LRP1B: variants seen among roughly 807,000 people sequenced by gnomAD.
The protein encoded by LRP1B is low-density lipoprotein receptor-related protein 1B.
Under a neutral mutation model 556.6 loss-of-function variants are expected in LRP1B, and 217 were observed. The observed-to-expected ratio is 0.39, with a 90% CI of 0.35 to 0.44. The LOEUF (loss-of-function observed/expected upper bound fraction) is 0.44. Ranked by LOEUF, LRP1B falls within the 20% of genes least tolerant of loss-of-function variation. The pLI is 1.00. For missense variants in LRP1B, 5,053 were observed against 5,620.8 expected (o/e 0.90, Z 3.23); for synonymous variants, 2,047 against 1,865.8 (o/e 1.10, Z -2.50).
Position 141,946,765 on chromosome 2 carries a change from C to T in LRP1B, c.83-136364G>A, listed in dbSNP as rs143989676. 4.2e-4 allele frequency among the ~76,000 whole-genome samples: 64 copies of T among 152,142 alleles called. 2 individuals carry two copies. In the East Asian group the frequency reaches 0.01, roughly 24 times the overall value. ...CAATGGCCTTTTAGTCATAATATTG[C>T]ATTTATTTTCATCTGTATCTCACCG... On this transcript the variant is annotated intron_variant, in intron 1 of 90. Coordinates refer to ENST00000389484, the MANE Select transcript of LRP1B (RefSeq NM_018557.3).
intron 3 of LRP1B, among the ~76,000 whole-genome samples, chr2:141,325,107 G>C (rs1162856226): frequency 6.6e-6 from 1 of 151,510 alleles, no homozygotes; most frequent in Admixed American, 6.6e-5. Flanking sequence ...ATTAAATTTA[G>C]ATAAAATGTT....
intron 7 of LRP1B, among the ~76,000 whole-genome samples, 186 bp from the exon 8 acceptor site, chr2:141,062,459 G>C (rs1457409692): frequency 1.3e-5 from 2 of 151,714 alleles, no homozygotes; most frequent in Non-Finnish European, 2.9e-5. Flanking sequence ...ATATTGCAGG[G>C]CATAAGGGAG....
At chr2:142,097,755 TAAAGTTG>T (rs1329942807) in intron 1 of LRP1B, among the ~76,000 whole-genome samples, 1 of 151,728 alleles carries the variant, frequency 6.6e-6, no homozygotes, top group African/African-American at 2.4e-5. Context: ...GTTACTTGTT[TAAAGTTG>T]AATCTAGCTC....
At chr2:141,943,316 T>C (rs1191660706) in intron 1 of LRP1B, among the ~76,000 whole-genome samples, 1 of 152,188 alleles carries the variant, frequency 6.6e-6, no homozygotes, top group Non-Finnish European at 1.5e-5. Flanking sequence ...GTTATAACAA[T>C]GGGTCTTGGG....
chr2:140,965,808 T>TG (rs1301826665), intron 18 of LRP1B, among the ~76,000 whole-genome samples: 1 of 150,986 alleles, frequency 6.6e-6, no homozygotes, highest in African/African-American at 2.4e-5. Context: ...TGCAGTGTTT[T>TG]TTTTTTTTTC....
At chr2:140,461,780 G>T (rs1333119702) in intron 60 of LRP1B, among the ~76,000 whole-genome samples, 1 of 152,038 alleles carries the variant, frequency 6.6e-6, no homozygotes, top group Non-Finnish European at 1.5e-5. Context: ...GTTGCAGTGA[G>T]CTGTGATCGC....
At chr2:141,518,161 A>C (rs947071927) in intron 2 of LRP1B, among the ~76,000 whole-genome samples, 3 of 151,746 alleles carry the variant, frequency 2.0e-5, no homozygotes, top group Non-Finnish European at 4.4e-5. Flanking sequence ...CATGGGTCTG[A>C]AGCTGAAAAC....
At chr2:140,463,495 T>C (rs912605959) in intron 60 of LRP1B, among the ~76,000 whole-genome samples, 8 of 152,196 alleles carry the variant, frequency 5.3e-5, no homozygotes, top group African/African-American at 1.9e-4. Flanking sequence ...CTGCTTACCC[T>C]TTAATGCAAT....
At chr2:140,551,616 T>C (rs1680551296) in intron 43 of LRP1B, among the ~76,000 whole-genome samples, 1 of 152,176 alleles carries the variant, frequency 6.6e-6, no homozygotes. Flanking sequence ...AATGTCATTA[T>C]TGGTTTGTAG....
chr2:140,537,670 C>T (rs962088109), intron 45 of LRP1B, among the ~76,000 whole-genome samples: 3 of 151,762 alleles, frequency 2.0e-5, no homozygotes, highest in East Asian at 3.9e-4. Flanking sequence ...GCTATGGACT[C>T]CAGATGACCG....
At chr2:141,400,614 T>C (rs377352656) in intron 3 of LRP1B, among the ~76,000 whole-genome samples, 3 of 152,184 alleles carry the variant, frequency 2.0e-5, no homozygotes, top group East Asian at 3.9e-4. Flanking sequence ...ATCATTACAG[T>C]AGCGTCAAGA....
intron 13 of LRP1B, among the ~76,000 whole-genome samples, chr2:141,013,955 T>C (rs537981571): frequency 6.6e-6 from 1 of 152,224 alleles, no homozygotes; most frequent in Non-Finnish European, 1.5e-5. Flanking sequence ...CTATTTTATC[T>C]AAACCATTTA....
rs149154070 is a variant in LRP1B, at chr2:141,624,036, C to A, written c.206-143503G>T. 7.0e-3 allele frequency among the ~76,000 whole-genome samples: 638 copies of A among 90,556 alleles called. 1 individual carries two copies. Among genetic ancestry groups the A allele is most frequent in the Middle Eastern group, 0.035 (4 of 114 alleles). The allele number at this position is 90,556 out of a possible 152,430, so 59.4% of individuals were successfully genotyped here. A position where few individuals can be genotyped will look rare whatever the true frequency, so the allele number is the denominator to read the frequency against. ...AACTCAAAAAAAAAAAAAAATTAAA[C>A]AAAAAAAAAAAGAAAAGAAAAAAAA... On this transcript the variant is annotated intron_variant, in intron 2 of 90. Coordinates refer to ENST00000389484, the MANE Select transcript of LRP1B (RefSeq NM_018557.3).
chr2:140,730,361 C>A (rs142145871), intron 35 of LRP1B, among the ~76,000 whole-genome samples: 4 of 152,146 alleles, frequency 2.6e-5, no homozygotes, highest in East Asian at 3.9e-4. Flanking sequence ...TCATACAAGG[C>A]AATTCACTTA....
intron 7 of LRP1B, among the ~76,000 whole-genome samples, chr2:141,159,794 T>TA (rs1056872745): frequency 2.0e-5 from 3 of 152,130 alleles, no homozygotes; most frequent in Admixed American, 2.0e-4. Flanking sequence ...CAAATTTAGT[T>TA]AAAAATATAT....
intron 43 of LRP1B, among the ~76,000 whole-genome samples, chr2:140,584,641 T>C (rs982046368): frequency 4.6e-5 from 7 of 152,144 alleles, no homozygotes; most frequent in African/African-American, 1.7e-4. Flanking sequence ...TACTGACCAT[T>C]ATTCTTCTGT....
rs1574553684 is a variant in LRP1B, at chr2:141,978,111, T to G, written c.82+152537A>C. ...ATTAATTTATTCTCATCTCAGTTGA[T>G]TATTTTCAGTATTAATAAGAACAAA... On this transcript the variant is annotated intron_variant, in intron 1 of 90. Coordinates refer to ENST00000389484, the MANE Select transcript of LRP1B (RefSeq NM_018557.3). Among the ~76,000 whole-genome samples, 3 of 152,246 alleles carry G rather than the reference T, an allele frequency of 2.0e-5. No homozygotes were observed. In the East Asian group the frequency reaches 5.8e-4, roughly 29 times the overall value.
chr2:141,822,584 T>C (rs1261178099), intron 1 of LRP1B, among the ~76,000 whole-genome samples: 2 of 152,194 alleles, frequency 1.3e-5, no homozygotes, highest in African/African-American at 4.8e-5. Flanking sequence ...TGGTTAGACT[T>C]TGGCTCTTTC....
intron 3 of LRP1B, among the ~76,000 whole-genome samples, chr2:141,383,476 G>T (rs1300480697): frequency 2.0e-5 from 3 of 152,224 alleles, no homozygotes; most frequent in Non-Finnish European, 4.4e-5. Context: ...TTCATCAATG[G>T]TTGAATGGAT....
Sources: allele counts gnomAD v4.1 joint callset (sites outside exome capture counted in the v4.1 genomes callset), GRCh38; gene constraint gnomAD v4.1.1; transcripts MANE v1.5; gene names NCBI Gene and HGNC (gene_info 2026-07-23, HGNC 2026-07-21).